The following PELI2 variants were observed in gnomAD, a reference collection of about 807,000 sequenced individuals.
PELI2 encodes pellino E3 ubiquitin protein ligase family member 2, also known as E3 ubiquitin-protein ligase pellino homolog 2.
Under a neutral mutation model 42.3 loss-of-function variants are expected in PELI2, and 23 were observed. The observed-to-expected ratio is 0.54, with a 90% CI of 0.39 to 0.77. The LOEUF (loss-of-function observed/expected upper bound fraction) is 0.77, where lower values mean the gene tolerates loss of function less well. PELI2 is among the 30% of genes least tolerant of loss of function. The pLI is 0.00. For missense variants in PELI2, 463 were observed against 553.2 expected (o/e 0.84, Z 1.64); for synonymous variants, 245 against 212.2 (o/e 1.15, Z -1.34).
At chr14:56,172,235 A>G (rs936737703) in intron 1 of PELI2, among the ~76,000 whole-genome samples, 6 of 152,020 alleles carry the variant, frequency 3.9e-5, no homozygotes, top group Admixed American at 3.3e-4. Context: ...GCTGGTCTGG[A>G]GTGTCCATGA....
chr14:56,295,177 G>A (rs1172507814), intron 5 of PELI2, among the ~76,000 whole-genome samples: 5 of 152,112 alleles, frequency 3.3e-5, no homozygotes, highest in African/African-American at 4.8e-5. Flanking sequence ...CCCAGAGAGA[G>A]CACCAGTTGC....
At chr14:56,282,991 A>G (rs1889529772) in intron 3 of PELI2, among the ~76,000 whole-genome samples, 1 of 152,214 alleles carries the variant, frequency 6.6e-6, no homozygotes, top group African/African-American at 2.4e-5. Flanking sequence ...TTTACCACTT[A>G]AATTCAAAAA....
intron 2 of PELI2, among the ~76,000 whole-genome samples, chr14:56,209,995 A>G (rs1307266482): frequency 6.6e-6 from 1 of 152,200 alleles, no homozygotes; most frequent in Non-Finnish European, 1.5e-5. Context: ...AGGAAATGCA[A>G]ATGATACAAG....
intron 4 of PELI2, 125 bp from the exon 5 acceptor site, chr14:56,290,143 A>G: frequency 1.5e-6 from 1 of 676,072 alleles, no homozygotes; most frequent in Non-Finnish European, 2.4e-6. Flanking sequence ...AGCTTTAAAT[A>G]GAAAATGAAA....
In PELI2 at chr14:56,250,262, C is replaced by T. The variant is rs1005770458; in HGVS notation, c.208-29414C>T. Among the ~76,000 whole-genome samples the T allele has an allele frequency of 5.9e-5, 9 of 152,126 alleles. No individual in the cohort carries two copies. The South Asian group carries it at 8.3e-4, about 14-fold the overall frequency. On this transcript the variant is annotated intron_variant, in intron 2 of 5. Coordinates refer to ENST00000267460, the MANE Select transcript of PELI2 (RefSeq NM_021255.3). ...TTGTTGATGGGGGTGAGATTTCAGC[C>T]AGGTAAGTCAATACTAGAAGTTATA...
At position 56,180,793 on chromosome 14, in the gene PELI2, G is replaced by C. The variant is rs921328014; in HGVS notation, c.207+2329G>C. ...CTCTCATCCCTGCCAGCTGTGCCAG[G>C]CCACTGCTGCTGCTGGGTCTGCTCT... On this transcript the variant is annotated intron_variant, in intron 2 of 5. Transcript: ENST00000267460. This position sits in a 1 kb window ranked among gnomAD's most constrained non-coding sequence, Gnocchi z 4.4. Among the ~76,000 whole-genome samples the C allele has an allele frequency of 2.0e-5, 3 of 152,028 alleles. No individual in the cohort carries two copies. Among genetic ancestry groups the C allele is most frequent in the Admixed American group, 6.6e-5 (1 of 15,262 alleles).
At chr14:56,174,534 G>A (rs1885298828) in intron 1 of PELI2, among the ~76,000 whole-genome samples, 1 of 152,186 alleles carries the variant, frequency 6.6e-6, no homozygotes, top group South Asian at 2.1e-4. Flanking sequence ...GGCCTGGCAG[G>A]AGGCGATTGG....
rs1594629637 is a variant in PELI2, at chr14:56,197,122, C to T, written c.207+18658C>T. ...TCTGCATGGGATGAGTTAAGACAAA[C>T]ATGGTCCCTGCACAAATGGAGGTTG... On this transcript the variant is annotated intron_variant, in intron 2 of 5. Transcript: ENST00000267460. The surrounding 1 kb of genome is among the most constrained non-coding windows in gnomAD (Gnocchi z 4.9). 6.6e-6 allele frequency among the ~76,000 whole-genome samples: 1 copy of T among 152,266 alleles called. No homozygotes were observed. The highest frequency in any genetic ancestry group is 1.9e-4 in the East Asian group (1 of 5,184).
intron 2 of PELI2, among the ~76,000 whole-genome samples, chr14:56,209,572 A>G (rs576330381): frequency 3.5e-4 from 54 of 152,260 alleles, no homozygotes; most frequent in Non-Finnish European, 6.0e-4. Flanking sequence ...TATTGTGGTT[A>G]CTATTGTTTT....
At chr14:56,121,244 T>A (rs1883047852) in intron 1 of PELI2, among the ~76,000 whole-genome samples, 1 of 152,158 alleles carries the variant, frequency 6.6e-6, no homozygotes, top group Non-Finnish European at 1.5e-5. Context: ...AGTGCTTTTT[T>A]TTTTTTTAAT....
chr14:56,136,855 T>A (rs145564598), intron 1 of PELI2, among the ~76,000 whole-genome samples: 228 of 152,308 alleles, frequency 1.5e-3, no homozygotes, highest in African/African-American at 5.3e-3. Context: ...ACTTTCCAGG[T>A]AGACCTTGGC....
chr14:56,159,955 A>G (rs893804979), intron 1 of PELI2, among the ~76,000 whole-genome samples: 5 of 152,190 alleles, frequency 3.3e-5, no homozygotes, highest in African/African-American at 4.8e-5. Context: ...AAGGACTTCA[A>G]AAAGGCAAGC....
intron 2 of PELI2, among the ~76,000 whole-genome samples, chr14:56,239,629 A>T (rs1173359427): frequency 1.3e-5 from 2 of 152,174 alleles, no homozygotes; most frequent in Non-Finnish European, 2.9e-5. Flanking sequence ...CCTCCTGTTT[A>T]TCCTGTTTGT....
intron 3 of PELI2, among the ~76,000 whole-genome samples, chr14:56,287,290 T>G (rs2139890249): frequency 6.6e-6 from 1 of 152,358 alleles, no homozygotes; most frequent in East Asian, 1.9e-4. Context: ...TGGCTTTGTT[T>G]TCGCCTTTAT....
chr14:56,253,124 A>G lies in PELI2; in HGVS notation c.208-26552A>G, dbSNP rs141449923. 6.0e-3 allele frequency among the ~76,000 whole-genome samples: 909 copies of G among 152,324 alleles called. 8 individuals carry two copies. Among genetic ancestry groups the G allele is most frequent in the African/African-American group, 0.02 (830 of 41,578 alleles). On this transcript the variant is annotated intron_variant, in intron 2 of 5. Coordinates refer to ENST00000267460, the MANE Select transcript of PELI2 (RefSeq NM_021255.3). The stretch of plus-strand genomic sequence containing the variant: ...ACCACATGATTGTCTCCGTAGATGC[A>G]GAAAAGGCCATCGATAAAATTCATC...
At chr14:56,242,473 C>T (rs942831689) in intron 2 of PELI2, among the ~76,000 whole-genome samples, 1 of 152,126 alleles carries the variant, frequency 6.6e-6, no homozygotes. Flanking sequence ...GTAGAACTGC[C>T]ATTTGATCCA....
rs80052637 is a variant in PELI2 at position 56,193,876 on chromosome 14, A to G, written c.207+15412A>G. Among the ~76,000 whole-genome samples, 700 of 152,268 alleles carry G rather than the reference A, an allele frequency of 4.6e-3. 5 individuals are homozygous for G. The highest frequency in any genetic ancestry group is 0.014 in the African/African-American group (574 of 41,542). On this transcript the variant is annotated intron_variant, in intron 2 of 5. Transcript: ENST00000267460. ...CCCAGTTATGATGCCATTTTCCTAG[A>G]ATGTTAGGAAGATTCTGATTCCTCC...
intron 2 of PELI2, among the ~76,000 whole-genome samples, chr14:56,208,254 AG>A (rs1298598912): frequency 6.6e-6 from 1 of 152,216 alleles, no homozygotes; most frequent in Non-Finnish European, 1.5e-5. Context: ...GGAAGTGCCC[AG>A]GGTGGCAGTC....
chr14:56,135,961 G>C lies in PELI2; in HGVS notation c.77+17224G>C, dbSNP rs555819700. Among the ~76,000 whole-genome samples, 307 of 152,200 alleles carry C rather than the reference G, an allele frequency of 2.0e-3. 4 individuals carry two copies. The highest frequency in any genetic ancestry group is 3.4e-3 in the Middle Eastern group (1 of 294). On this transcript the variant is annotated intron_variant, in intron 1 of 5. Transcript: ENST00000267460. ...CTAACACATCATATGGAGTCTGCTT[G>C]CATCTTTCTTTGATGGATGAGGCTT...
Sources: allele counts gnomAD v4.1 joint callset (sites outside exome capture counted in the v4.1 genomes callset), GRCh38; gene constraint gnomAD v4.1.1; non-coding constraint Gnocchi (gnomAD v3.1); transcripts MANE v1.5; gene names NCBI Gene and HGNC (gene_info 2026-07-23, HGNC 2026-07-21).